The following NBPF9 variants were observed in gnomAD, a reference collection of about 807,000 sequenced individuals.
NBPF9 encodes the protein NBPF member 9, also known as NBPF family member NBPF9.
In NBPF9, 91 loss-of-function variants were observed where a neutral mutation model predicts 97.8. The observed-to-expected ratio is 0.93, with a 90% CI of 0.79 to 1.11. The LOEUF is 1.11. NBPF9 is among the 50% of genes least tolerant of loss of function. The pLI, the probability that NBPF9 is intolerant of heterozygous loss-of-function variation, is 0.00. For missense variants in NBPF9, 992 were observed against 939.5 expected (o/e 1.06, Z -0.73); for synonymous variants, 334 against 359.5 (o/e 0.93, Z 0.80).
At chr1:149,068,988 A>G (rs1393959450) in intron 17 of NBPF9, among the ~76,000 whole-genome samples, 8 of 152,218 alleles carry the variant, frequency 5.3e-5, no homozygotes, top group Non-Finnish European at 8.8e-5. Flanking sequence ...CCGCACAACT[A>G]CATGGAAACT....
chr1:149,059,313 G>T (rs1575822650), intron 25 of NBPF9: 2 of 482,872 alleles, frequency 4.1e-6, no homozygotes, highest in African/African-American at 4.8e-5. Context: ...CAGAGACAGA[G>T]AGAAAGTGAC....
At position 149,058,830 on chromosome 1, in the gene NBPF9, A is replaced by T. The variant is rs75671583; in HGVS notation, c.2758+95T>A. ...CATAGGTCCTGCCTGTGGCAATGACATCTCTCAGGTCAGTAAGGGCCACTT... is the reference window on the plus strand; with the variant it reads ...CATAGGTCCTGCCTGTGGCAATGACTTCTCTCAGGTCAGTAAGGGCCACTT... On this transcript the variant is annotated intron_variant, in intron 26 of 29. Coordinates refer to ENST00000584027, the Ensembl canonical transcript of NBPF9. The T allele has an allele frequency of 6.7e-3, 4,798 of 712,954 alleles. 68 individuals are homozygous for T. The highest frequency in any genetic ancestry group is 6.6e-3 in the Non-Finnish European group (2,557 of 387,456). 44.2% of individuals were successfully genotyped at this position (712,954 alleles called of 1,614,324 possible). A position where few individuals can be genotyped will look rare whatever the true frequency, so the allele number is the denominator to read the frequency against.
At chr1:149,079,416 C>A (rs1207363893) in intron 8 of NBPF9, among the ~76,000 whole-genome samples, 195 bp from the exon 9 acceptor site, 1 of 151,672 alleles carries the variant, frequency 6.6e-6, no homozygotes, top group African/African-American at 2.4e-5. Context: ...TCAGAGAGGG[C>A]TCCTGCAAGA....
intron 29 of NBPF9, among the ~76,000 whole-genome samples, chr1:149,056,149 C>A (rs2078223119): frequency 3.3e-5 from 5 of 151,718 alleles, no homozygotes; most frequent in Admixed American, 2.6e-4. Context: ...GTGAATTGGC[C>A]AGGTGACATA....
chr1:149,058,412 C>T (rs1412872608), intron 26 of NBPF9, among the ~76,000 whole-genome samples, 197 bp from the exon 27 acceptor site: 1 of 66,030 alleles, frequency 1.5e-5, no homozygotes, highest in African/African-American at 8.0e-5. Flanking sequence ...GGTGAAATAT[C>T]CCCATTCTGG....
At chr1:149,082,903 C>A (rs2080612831) in intron 5 of NBPF9, among the ~76,000 whole-genome samples, 1 of 147,794 alleles carries the variant, frequency 6.8e-6, no homozygotes, top group East Asian at 2.0e-4. Context: ...CCTCAGACTC[C>A]CAAGTAGCTG....
At chr1:149,103,154 G>A (rs1167587553) in intron 1 of NBPF9, 147 bp downstream of exon 1, 12 of 151,124 alleles carry the variant, frequency 7.9e-5, no homozygotes, top group Admixed American at 7.2e-4. Flanking sequence ...AAGCCCCGGC[G>A]GGGCCGGAAC....
intron 20 of NBPF9, among the ~76,000 whole-genome samples, chr1:149,063,222 A>G (rs1453266651): frequency 7.7e-6 from 1 of 130,564 alleles, no homozygotes; most frequent in African/African-American, 3.1e-5. Flanking sequence ...AATGGTTGCT[A>G]GGAGAAAAAC....
Position 149,098,466 on chromosome 1 carries a change from C to T in NBPF9, c.-365G>A, listed in dbSNP as rs1373626505. 3.6e-4 allele frequency: 541 copies of T among 1,518,792 alleles called. 5 individuals are homozygous for T. The South Asian group carries it at 6.3e-3, about 18-fold the overall frequency. 94.1% of individuals were successfully genotyped at this position (1,518,792 alleles called of 1,614,324 possible). ...TGGGATCTGGCAGCTCTTCATTTGGCCCACACCGTGTGAGGTTGCTCTTGG... is the reference window on the plus strand; with the variant it reads ...TGGGATCTGGCAGCTCTTCATTTGGTCCACACCGTGTGAGGTTGCTCTTGG... On this transcript the variant is annotated 5_prime_UTR_variant, in exon 4 of 30. Coordinates refer to ENST00000584027, the Ensembl canonical transcript of NBPF9.
Position 149,087,696 on chromosome 1 carries a change from T to A in NBPF9, c.-195+3057A>T, listed in dbSNP as rs1373524189. Among the ~76,000 whole-genome samples the A allele has an allele frequency of 3.3e-3, 494 of 151,306 alleles. 1 individual carries two copies. The highest frequency in any genetic ancestry group is 0.011 in the African/African-American group (471 of 41,356). On this transcript the variant is annotated intron_variant, in intron 5 of 29. Coordinates refer to ENST00000584027, the Ensembl canonical transcript of NBPF9. ...GGAGATCAATTTACGAAGAACTGAC[T>A]TTTTAAACATAACAACTCTTCTGAT...
downstream of NBPF9, among the ~76,000 whole-genome samples, chr1:149,052,226 T>A (rs1332317199): frequency 7.2e-5 from 11 of 151,862 alleles, no homozygotes; most frequent in African/African-American, 2.7e-4. Context: ...CACAAACCAT[T>A]AAAGAAAACA....
chr1:149,058,664 C>A, intron 26 of NBPF9: 1 of 280,156 alleles, frequency 3.6e-6, no homozygotes, highest in South Asian at 2.2e-5. Context: ...TTTTTTACAT[C>A]TGCCTGGGTC....
At position 149,090,486 on chromosome 1, in the gene NBPF9, C is replaced by T. The variant is rs1482661352; in HGVS notation, c.-195+267G>A. The T allele has an allele frequency of 8.9e-6, 3 of 335,196 alleles. No homozygotes were observed. In the Admixed American group the frequency reaches 1.4e-4, roughly 15 times the overall value. The allele number at this position is 335,196 out of a possible 1,614,324, so 20.8% of individuals were successfully genotyped here. A position where few individuals can be genotyped will look rare whatever the true frequency, so the allele number is the denominator to read the frequency against. Reference sequence around the variant, plus strand: ...ATTTGCATATTATAAACTGTATCATCTTAAAAAGGAAACAAGGCAATATTT... The same window carrying T: ...ATTTGCATATTATAAACTGTATCATTTTAAAAAGGAAACAAGGCAATATTT... On this transcript the variant is annotated intron_variant, in intron 5 of 29. Transcript: ENST00000584027.
At chr1:149,067,302 G>T (rs1553651953) in intron 17 of NBPF9, among the ~76,000 whole-genome samples, 1 of 114,686 alleles carries the variant, frequency 8.7e-6, no homozygotes, top group African/African-American at 3.5e-5. Context: ...TTGTGTGTAT[G>T]TGTATATATA....
intron 7 of NBPF9, among the ~76,000 whole-genome samples, chr1:149,081,153 C>T (rs1446543804): frequency 1.3e-5 from 2 of 151,884 alleles, no homozygotes; most frequent in East Asian, 3.9e-4. Context: ...CGAGTCTTGC[C>T]CTGTCACCCA....
At chr1:149,071,408 G>A (rs2079398283) in intron 15 of NBPF9, among the ~76,000 whole-genome samples, 196 bp downstream of exon 15, 3 of 148,652 alleles carry the variant, frequency 2.0e-5, no homozygotes, top group Non-Finnish European at 4.4e-5. Context: ...TCCTTGTACG[G>A]TGCAGACATG....
intron 7 of NBPF9, among the ~76,000 whole-genome samples, chr1:149,081,247 T>C (rs1553656656): frequency 6.6e-6 from 1 of 151,204 alleles, no homozygotes. Context: ...AGCCTCCCGA[T>C]TAGTGGTGAT....
At chr1:149,070,763 G>C (rs1405284270) in intron 16 of NBPF9, among the ~76,000 whole-genome samples, 171 bp downstream of exon 16, 9,056 of 151,934 alleles carry the variant, frequency 0.06, 786 homozygotes, top group East Asian at 0.48. Context: ...ACTGGGGACT[G>C]GCAGACAAAG....
chr1:149,058,044 A>G, intron 27 of NBPF9, 120 bp downstream of exon 27: 1 of 284,192 alleles, frequency 3.5e-6, no homozygotes, highest in Non-Finnish European at 6.2e-6. Context: ...CAATGTTAGT[A>G]GGAATAATTC....
Sources: gnomAD v4.1 joint callset for allele counts (sites outside exome capture counted in the v4.1 genomes callset) on GRCh38, gnomAD v4.1.1 for gene constraint, MANE v1.5 for transcripts, NCBI Gene and HGNC (gene_info 2026-07-23, HGNC 2026-07-21) for gene names.